The following LRRC49 variants were observed in gnomAD, a reference collection of about 807,000 sequenced individuals.
LRRC49 encodes leucine-rich repeat-containing protein 49.
A neutral mutation model predicts 83.3 loss-of-function variants in LRRC49; 50 were observed. That is an observed-to-expected ratio of 0.60 (90% CI 0.48 to 0.76). The LOEUF is 0.76. LRRC49 is among the 30% of genes least tolerant of loss of function. The pLI, the probability that LRRC49 is intolerant of heterozygous loss-of-function variation, is 0.00. For synonymous variants in LRRC49, 286 were observed against 283.3 expected (o/e 1.01, Z -0.10); for missense variants, 704 against 809.1 (o/e 0.87, Z 1.58).
At chr15:70,926,581 A>T (rs2141142307) in intron 7 of LRRC49, among the ~76,000 whole-genome samples, 1 of 152,034 alleles carries the variant, frequency 6.6e-6, no homozygotes, top group East Asian at 1.9e-4. Context: ...GGTTAGTTAC[A>T]TATGTATACA....
chr15:70,902,702 G>A (rs2034133259), intron 4 of LRRC49: 2 of 152,262 alleles, frequency 1.3e-5, no homozygotes, highest in Admixed American at 6.5e-5. Context: ...GGAAGAGCTA[G>A]GCTCTGGCTG....
chr15:70,892,643 C>T (rs951757241), upstream of LRRC49: 41 of 1,446,826 alleles, frequency 2.8e-5, no homozygotes, highest in Non-Finnish European at 3.5e-5. Context: ...CCAATACTCC[C>T]GCTCTGTTTT....
At chr15:71,026,105 C>T (rs1021003481) in intron 14 of LRRC49, among the ~76,000 whole-genome samples, 1 of 150,922 alleles carries the variant, frequency 6.6e-6, no homozygotes, top group Non-Finnish European at 1.5e-5. Context: ...GTGTGATGTT[C>T]CCCTCCCTGT....
At chr15:70,918,817 G>A (rs1354847457) in intron 6 of LRRC49, 5 of 390,912 alleles carry the variant, frequency 1.3e-5, no homozygotes, top group Non-Finnish European at 1.4e-5. Flanking sequence ...TGACGTTTAC[G>A]TCAAGTGTTT....
chr15:70,869,098 T>G (rs1351494994), intron 1 of LRRC49, among the ~76,000 whole-genome samples: 1 of 151,980 alleles, frequency 6.6e-6, no homozygotes, highest in Non-Finnish European at 1.5e-5. Context: ...ACCATTAAAG[T>G]AATTGGAAAA....
intron 14 of LRRC49, among the ~76,000 whole-genome samples, chr15:71,035,562 G>T (rs1215103058): frequency 6.6e-6 from 1 of 151,984 alleles, no homozygotes; most frequent in African/African-American, 2.4e-5. Flanking sequence ...TGTTCTCATT[G>T]TTCAACTCCC....
At chr15:71,011,818 G>C (rs980412778) in intron 13 of LRRC49, among the ~76,000 whole-genome samples, 6 of 152,146 alleles carry the variant, frequency 3.9e-5, no homozygotes, top group Admixed American at 2.0e-4. Context: ...AGGTATGTTT[G>C]TGAATTATTG....
chr15:70,906,514 T>C (rs999216481), intron 5 of LRRC49, among the ~76,000 whole-genome samples: 5 of 152,236 alleles, frequency 3.3e-5, no homozygotes, highest in African/African-American at 4.8e-5. Flanking sequence ...GTTAATATTT[T>C]TAGTGATATT....
At chr15:70,900,661 G>A (rs781355368) in intron 3 of LRRC49, 4 of 481,974 alleles carry the variant, frequency 8.3e-6, no homozygotes, top group African/African-American at 3.9e-5. Context: ...GATGAAGATA[G>A]CACTGGACTA....
chr15:70,936,083 TGTTAAG>T (rs1287061270), intron 7 of LRRC49, among the ~76,000 whole-genome samples: 1 of 152,206 alleles, frequency 6.6e-6, no homozygotes, highest in Non-Finnish European at 1.5e-5. Context: ...ATTCAATATT[TGTTAAG>T]GTTAACTGTA....
chr15:70,997,404 T>G (rs2038109604), intron 11 of LRRC49, among the ~76,000 whole-genome samples: 1 of 152,198 alleles, frequency 6.6e-6, no homozygotes, highest in Non-Finnish European at 1.5e-5. Context: ...TCTTTCCATT[T>G]CATTCTATTT....
chr15:70,993,595 G>A (rs2141243313), intron 11 of LRRC49, among the ~76,000 whole-genome samples: 1 of 152,174 alleles, frequency 6.6e-6, no homozygotes, highest in African/African-American at 2.4e-5. Flanking sequence ...CTCTTATATA[G>A]CCCTAGAGCT....
At chr15:70,953,463 C>A (rs1005161452) in intron 8 of LRRC49, among the ~76,000 whole-genome samples, 10 of 152,200 alleles carry the variant, frequency 6.6e-5, no homozygotes, top group African/African-American at 1.7e-4. Context: ...GACCCCAAAT[C>A]TCTTCTGGCT....
chr15:71,003,867 T>A (rs1207353602), intron 11 of LRRC49, among the ~76,000 whole-genome samples: 1 of 152,202 alleles, frequency 6.6e-6, no homozygotes, highest in Admixed American at 6.5e-5. Context: ...ATACCCTTTT[T>A]TGTTATGCCA....
intron 11 of LRRC49, among the ~76,000 whole-genome samples, chr15:70,987,350 T>C (rs1262783073): frequency 1.3e-5 from 2 of 152,236 alleles, no homozygotes. Context: ...AACTTCTTCC[T>C]GGTTTAATCT....
chr15:71,005,389 C>T (rs1000046296), intron 11 of LRRC49, among the ~76,000 whole-genome samples: 10 of 151,996 alleles, frequency 6.6e-5, no homozygotes, highest in African/African-American at 2.2e-4. Context: ...TCTTCCTCTC[C>T]GCCCCACCCA....
At chr15:70,993,981 A>G (rs1176519513) in intron 11 of LRRC49, among the ~76,000 whole-genome samples, 1 of 151,698 alleles carries the variant, frequency 6.6e-6, no homozygotes. Flanking sequence ...AGTAGCTGGG[A>G]TTTTCCAGGT....
chr15:71,022,475 C>T (rs2039024662), intron 14 of LRRC49, among the ~76,000 whole-genome samples: 1 of 152,046 alleles, frequency 6.6e-6, no homozygotes, highest in African/African-American at 2.4e-5. Context: ...CATATGTTTA[C>T]ATAAATATTG....
intron 15 of LRRC49, among the ~76,000 whole-genome samples, chr15:71,047,402 C>T (rs2039884496): frequency 6.6e-6 from 1 of 152,078 alleles, no homozygotes; most frequent in East Asian, 1.9e-4. Flanking sequence ...GGTCTTTCAC[C>T]TTCTTAGCTG....
Sources: gnomAD v4.1 joint callset for allele counts (sites outside exome capture counted in the v4.1 genomes callset) on GRCh38, gnomAD v4.1.1 for gene constraint, MANE v1.5 for transcripts, NCBI Gene and HGNC (gene_info 2026-07-23, HGNC 2026-07-21) for gene names.